The following GRM8 variants were observed in gnomAD, a reference collection of about 807,000 sequenced individuals.
GRM8 encodes the protein metabotropic glutamate receptor 8.
In GRM8, 47 loss-of-function variants were observed where a neutral mutation model predicts 87.2. The ratio of observed to expected loss-of-function variants is 0.54; its 90% CI spans 0.43 to 0.69. The LOEUF is 0.69. GRM8 is among the 30% of genes least tolerant of loss of function. GRM8 has a pLI of 0.00. For missense variants in GRM8, 1,019 were observed against 1,139.2 expected (o/e 0.89, Z 1.52); for synonymous variants, 396 against 404.5 (o/e 0.98, Z 0.25).
chr7:126,777,570 T>C (rs1231889590), intron 6 of GRM8, among the ~76,000 whole-genome samples: 2 of 152,180 alleles, frequency 1.3e-5, no homozygotes, highest in African/African-American at 4.8e-5. Flanking sequence ...AAATTAACTG[T>C]AAATGCAGGT....
In GRM8 at chr7:127,106,732, T is replaced by A. The variant is rs778824183; in HGVS notation, c.511-20A>T. The A allele has an allele frequency of 9.3e-6, 14 of 1,510,844 alleles. No homozygotes were observed. Among genetic ancestry groups the A allele is most frequent in the African/African-American group, 4.1e-5 (3 of 72,888 alleles). The allele number at this position is 1,510,844 out of a possible 1,614,324, so 93.6% of individuals were successfully genotyped here. A position where few individuals can be genotyped will look rare whatever the true frequency, so the allele number is the denominator to read the frequency against. ...AGGTATCTGCAAAACAAATGATGGGTCATTTCAACCCATGACGAATCTTGA... is the reference window on the plus strand; with the variant it reads ...AGGTATCTGCAAAACAAATGATGGGACATTTCAACCCATGACGAATCTTGA... On this transcript the variant is annotated intron_variant, in intron 2 of 10. Transcript: ENST00000339582.
intron 6 of GRM8, among the ~76,000 whole-genome samples, chr7:126,872,272 C>T (rs60460623): frequency 0.02 from 3,008 of 152,220 alleles, 104 homozygotes; most frequent in African/African-American, 0.068. Flanking sequence ...CCTAACCTTT[C>T]CCCATTTCCT....
chr7:126,730,914 C>T (rs1025787866), intron 7 of GRM8, among the ~76,000 whole-genome samples: 5 of 151,986 alleles, frequency 3.3e-5, no homozygotes, highest in African/African-American at 4.8e-5. Context: ...ATTCTCTTTT[C>T]GATAAATCTG....
At chr7:126,684,675 G>A (rs1403133259) in intron 7 of GRM8, among the ~76,000 whole-genome samples, 1 of 152,184 alleles carries the variant, frequency 6.6e-6, no homozygotes, top group Non-Finnish European at 1.5e-5. Context: ...ACAGGCTCAG[G>A]ATTAAATGTG....
intron 3 of GRM8, among the ~76,000 whole-genome samples, chr7:127,026,320 T>C (rs565185227): frequency 6.6e-6 from 1 of 152,290 alleles, no homozygotes; most frequent in East Asian, 1.9e-4. Context: ...CGTGTGCATG[T>C]GTCTTTATAG....
intron 7 of GRM8, among the ~76,000 whole-genome samples, chr7:126,735,049 G>A (rs2151491872): frequency 6.6e-6 from 1 of 152,154 alleles, no homozygotes; most frequent in South Asian, 2.1e-4. Flanking sequence ...TCTTCCATAG[G>A]ACTGTTACAC....
In GRM8 at chr7:126,789,283, T is replaced by A. The variant is rs143284167; in HGVS notation, c.1157-19218A>T. Among the ~76,000 whole-genome samples the A allele has an allele frequency of 2.6e-3, 398 of 150,982 alleles. 3 individuals carry two copies. The highest frequency in any genetic ancestry group is 9.3e-3 in the African/African-American group (377 of 40,420). ...ACAATACAGAGTAATTACTATTCTG[T>A]GGAAAGAACAACAAAGGCATTTTTT... On this transcript the variant is annotated intron_variant, in intron 6 of 10. Transcript: ENST00000339582.
At chr7:127,032,657 G>T (rs911040491) in intron 3 of GRM8, among the ~76,000 whole-genome samples, 1 of 152,022 alleles carries the variant, frequency 6.6e-6, no homozygotes, top group South Asian at 2.1e-4. Flanking sequence ...AACTATGCAT[G>T]AACAGGGGAA....
chr7:126,572,058 C>T (rs1186907054), intron 8 of GRM8, among the ~76,000 whole-genome samples: 1 of 152,060 alleles, frequency 6.6e-6, no homozygotes, highest in African/African-American at 2.4e-5. Flanking sequence ...TGTCTTAAAC[C>T]ATGTACCACC....
chr7:126,965,126 G>C (rs1473731686), intron 3 of GRM8, among the ~76,000 whole-genome samples: 2 of 152,082 alleles, frequency 1.3e-5, no homozygotes, highest in African/African-American at 4.8e-5. Context: ...CATGGACACA[G>C]GGTGGGGGAA....
At chr7:126,969,871 G>C (rs557904706) in intron 3 of GRM8, among the ~76,000 whole-genome samples, 1 of 152,216 alleles carries the variant, frequency 6.6e-6, no homozygotes, top group African/African-American at 2.4e-5. Flanking sequence ...GTTACTCCTT[G>C]ATCCATGGGC....
At chr7:126,688,739 G>GACACACACAC (rs3831573) in intron 7 of GRM8, among the ~76,000 whole-genome samples, 121 of 145,794 alleles carry the variant, frequency 8.3e-4, no homozygotes, top group Middle Eastern at 6.9e-3. Flanking sequence ...CTCTCTTTCT[G>GACACACACAC]ACACACACAC....
intron 7 of GRM8, among the ~76,000 whole-genome samples, chr7:126,747,152 C>G (rs954228200): frequency 6.6e-6 from 1 of 151,888 alleles, no homozygotes; most frequent in Admixed American, 6.6e-5. Context: ...AATCACACTT[C>G]AATTTACCTT....
rs1243659631 is a variant in GRM8 at position 127,006,504 on chromosome 7, T to C, written c.727+99992A>G. 3.9e-5 allele frequency among the ~76,000 whole-genome samples: 6 copies of C among 152,124 alleles called. No individual in the cohort carries two copies. The East Asian group carries it at 9.7e-4, about 25-fold the overall frequency. On this transcript the variant is annotated intron_variant, in intron 3 of 10. Transcript: ENST00000339582. ...TTAATCCACTCCAATCAGACGTCTG[T>C]CTCCACTACTCCCATGAACTGTTCG...
chr7:126,608,689 T>G (rs924296673), intron 8 of GRM8, among the ~76,000 whole-genome samples: 2 of 151,804 alleles, frequency 1.3e-5, no homozygotes, highest in Non-Finnish European at 2.9e-5. Context: ...AAACACAGAG[T>G]ATGATTCACT....
intron 7 of GRM8, among the ~76,000 whole-genome samples, chr7:126,699,021 T>G (rs1809661654): frequency 6.6e-6 from 1 of 152,140 alleles, no homozygotes; most frequent in African/African-American, 2.4e-5. Flanking sequence ...GTTAGATAAT[T>G]TCTGAATGTC....
At chr7:126,944,560 A>G (rs185321018) in intron 3 of GRM8, among the ~76,000 whole-genome samples, 21 of 152,362 alleles carry the variant, frequency 1.4e-4, no homozygotes, top group African/African-American at 5.0e-4. Flanking sequence ...GTAGTCAAAA[A>G]GAGGTTTAGA....
chr7:127,103,965 C>T (rs1047103786), intron 3 of GRM8, among the ~76,000 whole-genome samples: 4 of 152,310 alleles, frequency 2.6e-5, no homozygotes, highest in Middle Eastern at 3.4e-3. Context: ...TCGCAAAGGA[C>T]ACTTTCCCAA....
chr7:126,566,204 T>C (rs932867364), intron 8 of GRM8, among the ~76,000 whole-genome samples: 1 of 152,090 alleles, frequency 6.6e-6, no homozygotes, highest in Non-Finnish European at 1.5e-5. Flanking sequence ...CAACCAAAAA[T>C]CTTCTGCAGA....
Sources: gnomAD v4.1 joint callset for allele counts (sites outside exome capture counted in the v4.1 genomes callset) on GRCh38, gnomAD v4.1.1 for gene constraint, MANE v1.5 for transcripts, NCBI Gene and HGNC (gene_info 2026-07-23, HGNC 2026-07-21) for gene names.